Variants in TDRP observed in about 807,000 individuals in gnomAD.
TDRP encodes testis development-related protein.
Under a neutral mutation model 10.5 loss-of-function variants are expected in TDRP, and 12 were observed. That is an observed-to-expected ratio of 1.15 (90% CI 0.73 to 1.86). The LOEUF is 1.86. Ranked by LOEUF, TDRP falls within the 40% of genes most tolerant of loss-of-function variation. The pLI, the probability that TDRP is intolerant of heterozygous loss-of-function variation, is 0.00. For synonymous variants in TDRP, 139 were observed against 95.4 expected (o/e 1.46, Z -2.67); for missense variants, 353 against 229.2 (o/e 1.54, Z -3.49).
intron 1 of TDRP, among the ~76,000 whole-genome samples, chr8:504,353 T>G (rs935960368): frequency 6.6e-6 from 1 of 152,184 alleles, no homozygotes; most frequent in African/African-American, 2.4e-5. Flanking sequence ...GTTTTCTTTT[T>G]CCCTGAGTTT....
At chr8:532,343 C>A (rs1802226543) in intron 1 of TDRP, among the ~76,000 whole-genome samples, 1 of 152,166 alleles carries the variant, frequency 6.6e-6, no homozygotes, top group African/African-American at 2.4e-5. Flanking sequence ...GGGAAACCTG[C>A]AATCTGTCTC....
intron 1 of TDRP, among the ~76,000 whole-genome samples, chr8:527,878 G>T (rs1379684739): frequency 6.6e-6 from 1 of 152,080 alleles, no homozygotes; most frequent in Non-Finnish European, 1.5e-5. Context: ...TACCCCACAA[G>T]CACAGGTAAC....
chr8:501,309 T>G (rs1801292975), intron 1 of TDRP, among the ~76,000 whole-genome samples: 1 of 152,104 alleles, frequency 6.6e-6, no homozygotes, highest in Admixed American at 6.5e-5. Flanking sequence ...CCATGTAATT[T>G]TAGTATTTCA....
At chr8:530,142 T>C (rs1028425950) in intron 1 of TDRP, among the ~76,000 whole-genome samples, 4 of 152,152 alleles carry the variant, frequency 2.6e-5, no homozygotes, top group Non-Finnish European at 4.4e-5. Flanking sequence ...TTTTAATCCC[T>C]CTAGTTAATT....
In TDRP at chr8:491,653, G is replaced by T. The variant is rs2116700499; in HGVS notation, c.*746C>A. ...ATGAAATTATCAACTGACTAAAATT[G>T]ATCCATACTTCTTTAATCTGTAAAC... On this transcript the variant is annotated 3_prime_UTR_variant, in exon 3 of 3. Transcript: ENST00000324079. 1 of 1,530,176 alleles carries T rather than the reference G, an allele frequency of 6.5e-7. No homozygotes were observed. The highest frequency in any genetic ancestry group is 1.2e-5 in the South Asian group (1 of 82,514). The allele number at this position is 1,530,176 out of a possible 1,614,324, so 94.8% of individuals were successfully genotyped here.
chr8:505,779 TC>T (rs1172601600), intron 1 of TDRP, among the ~76,000 whole-genome samples: 1 of 152,170 alleles, frequency 6.6e-6, no homozygotes, highest in African/African-American at 2.4e-5. Flanking sequence ...GTAAACACCC[TC>T]CGATGAACAT....
intron 1 of TDRP, among the ~76,000 whole-genome samples, chr8:521,797 T>C (rs927625978): frequency 7.9e-5 from 12 of 152,214 alleles, no homozygotes; most frequent in African/African-American, 2.9e-4. Context: ...GAGATTTGCA[T>C]TGAACCAGTG....
At chr8:496,833 T>A (rs1490241814) in intron 1 of TDRP, among the ~76,000 whole-genome samples, 1 of 152,206 alleles carries the variant, frequency 6.6e-6, no homozygotes, top group Non-Finnish European at 1.5e-5. Flanking sequence ...GGTGTTCTCA[T>A]GAGATCTGAT....
At chr8:507,997 A>T (rs1036083092) in intron 1 of TDRP, among the ~76,000 whole-genome samples, 2 of 152,252 alleles carry the variant, frequency 1.3e-5, no homozygotes, top group African/African-American at 4.8e-5. Context: ...AGACCCATAC[A>T]TCAGAAAACA....
intron 1 of TDRP, among the ~76,000 whole-genome samples, chr8:500,501 G>A (rs1801260946): frequency 6.6e-6 from 1 of 152,148 alleles, no homozygotes; most frequent in African/African-American, 2.4e-5. Flanking sequence ...CCTGTAATCA[G>A]AAAAGAGATC....
At chr8:536,288 T>C (rs1322937594) in intron 1 of TDRP, among the ~76,000 whole-genome samples, 1 of 152,210 alleles carries the variant, frequency 6.6e-6, no homozygotes, top group East Asian at 1.9e-4. Context: ...CCACCGTCTT[T>C]AGTGAGCTGA....
chr8:499,210 G>A (rs533333581), intron 1 of TDRP, among the ~76,000 whole-genome samples: 1 of 151,898 alleles, frequency 6.6e-6, no homozygotes, highest in South Asian at 2.1e-4. Context: ...TCTAGTTTAT[G>A]AACTTCAAAC....
intron 1 of TDRP, among the ~76,000 whole-genome samples, chr8:513,734 T>C (rs753354820): frequency 6.6e-6 from 1 of 152,186 alleles, no homozygotes; most frequent in Admixed American, 6.5e-5. Flanking sequence ...CATGATCTTT[T>C]GCATACAAAA....
At chr8:520,917 A>G (rs1011037888) in intron 1 of TDRP, among the ~76,000 whole-genome samples, 2 of 151,956 alleles carry the variant, frequency 1.3e-5, no homozygotes, top group Non-Finnish European at 2.9e-5. Context: ...TTCCTTTGTT[A>G]CATGTAAGTC....
intron 1 of TDRP, among the ~76,000 whole-genome samples, chr8:505,630 C>G (rs1024969583): frequency 6.6e-6 from 1 of 152,194 alleles, no homozygotes; most frequent in African/African-American, 2.4e-5. Context: ...CCAGCCACAG[C>G]AGCAGGAACG....
rs1297959470 is a variant in TDRP at position 491,578 on chromosome 8, T to C, written c.*821A>G. Reference sequence around the variant, plus strand: ...CTAATAAAAAAGAGGCACTTCAGTATTTTATGCACAGTCTTAACTCTCTAT... The same window carrying C: ...CTAATAAAAAAGAGGCACTTCAGTACTTTATGCACAGTCTTAACTCTCTAT... On this transcript the variant is annotated 3_prime_UTR_variant, in exon 3 of 3. Transcript: ENST00000324079. The C allele has an allele frequency of 3.3e-6, 5 of 1,498,590 alleles. No individual in the cohort carries two copies. Among genetic ancestry groups the C allele is most frequent in the Non-Finnish European group, 3.5e-6 (4 of 1,133,494 alleles). The allele number at this position is 1,498,590 out of a possible 1,614,324, so 92.8% of individuals were successfully genotyped here.
intron 1 of TDRP, among the ~76,000 whole-genome samples, chr8:521,509 T>G (rs1209438542): frequency 1.3e-5 from 2 of 152,220 alleles, no homozygotes; most frequent in Non-Finnish European, 2.9e-5. Flanking sequence ...TTCTCCATTG[T>G]GTAATCCAAG....
At chr8:493,306 G>C (rs1585131296) in intron 2 of TDRP, among the ~76,000 whole-genome samples, 1 of 152,244 alleles carries the variant, frequency 6.6e-6, no homozygotes, top group South Asian at 2.1e-4. Flanking sequence ...CATCACCTGG[G>C]AACATTGTTA....
chr8:526,151 C>G (rs11784914), intron 1 of TDRP, among the ~76,000 whole-genome samples: 22,111 of 152,080 alleles, frequency 0.15, 2,430 homozygotes, highest in African/African-American at 0.31. Context: ...TTTGTTGTAG[C>G]CATGCCCAGC....
Sources: allele counts gnomAD v4.1 joint callset (sites outside exome capture counted in the v4.1 genomes callset), GRCh38; gene constraint gnomAD v4.1.1; transcripts MANE v1.5; gene names NCBI Gene and HGNC (gene_info 2026-07-23, HGNC 2026-07-21).